Variants in EDAR observed in about 807,000 individuals in gnomAD.
EDAR encodes ectodysplasin A receptor, also known as tumor necrosis factor receptor superfamily member EDAR.
EDAR carries 38 observed loss-of-function variants against 51.3 expected under a neutral mutation model. The ratio of observed to expected loss-of-function variants is 0.74; its 90% CI spans 0.57 to 0.97. The LOEUF (loss-of-function observed/expected upper bound fraction) is 0.97, where lower values mean the gene tolerates loss of function less well. Among genes scored for constraint, EDAR ranks in the 50% least tolerant of loss-of-function variants. EDAR has a pLI of 0.00. For missense variants in EDAR, 528 were observed against 595.0 expected (o/e 0.89, Z 1.17); for synonymous variants, 227 against 242.1 (o/e 0.94, Z 0.58).
At chr2:108,957,446 A>G (rs1200035864) in intron 1 of EDAR, among the ~76,000 whole-genome samples, 5 of 152,226 alleles carry the variant, frequency 3.3e-5, no homozygotes, top group African/African-American at 9.6e-5. Flanking sequence ...CAGTCCTTCA[A>G]ATAGAGGGCT....
At chr2:108,910,344 G>T in intron 9 of EDAR, 116 bp downstream of exon 9, 1 of 831,668 alleles carries the variant, frequency 1.2e-6, no homozygotes, top group Non-Finnish European at 2.0e-6. Flanking sequence ...GTCGCCGAAC[G>T]TCCCCATAGT....
intron 1 of EDAR, among the ~76,000 whole-genome samples, chr2:108,962,278 A>T (rs1698061670): frequency 6.6e-6 from 1 of 152,208 alleles, no homozygotes; most frequent in Admixed American, 6.5e-5. Context: ...AAATCTTATG[A>T]AATAGGTAGG....
intron 1 of EDAR, among the ~76,000 whole-genome samples, chr2:108,941,127 A>G (rs988985085): frequency 6.6e-6 from 1 of 152,224 alleles, no homozygotes; most frequent in Non-Finnish European, 1.5e-5. Flanking sequence ...TTCACTGAAT[A>G]TAATACCTGT....
At chr2:108,915,641 T>G (rs1358315799) in intron 5 of EDAR, among the ~76,000 whole-genome samples, 1 of 152,116 alleles carries the variant, frequency 6.6e-6, no homozygotes, top group African/African-American at 2.4e-5. Flanking sequence ...GGCTCATGCC[T>G]ATAATCCCAG....
intron 1 of EDAR, among the ~76,000 whole-genome samples, chr2:108,937,484 A>C (rs900651397): frequency 1.2e-4 from 18 of 151,894 alleles, no homozygotes; most frequent in African/African-American, 3.9e-4. Flanking sequence ...TGTGTGCATA[A>C]GAGTATGTGT....
chr2:108,934,288 T>C (rs954173228), intron 1 of EDAR, among the ~76,000 whole-genome samples: 1 of 152,180 alleles, frequency 6.6e-6, no homozygotes, highest in Non-Finnish European at 1.5e-5. Flanking sequence ...ATCCCACTTC[T>C]CAGACTGCAG....
chr2:108,943,927 C>G (rs6542788), intron 1 of EDAR, among the ~76,000 whole-genome samples: 3,432 of 152,316 alleles, frequency 0.023, 117 homozygotes, highest in African/African-American at 0.077. Flanking sequence ...GCTTCCAAAA[C>G]AGGGAGACAG....
intron 1 of EDAR, among the ~76,000 whole-genome samples, chr2:108,944,827 G>A (rs1697684826): frequency 6.6e-6 from 1 of 152,160 alleles, no homozygotes; most frequent in Admixed American, 6.5e-5. Context: ...GACCGCAGAG[G>A]CCAAGCTTCT....
At chr2:108,951,789 C>G (rs1326568957) in intron 1 of EDAR, among the ~76,000 whole-genome samples, 1 of 152,168 alleles carries the variant, frequency 6.6e-6, no homozygotes, top group Non-Finnish European at 1.5e-5. Context: ...CTTGGCAACA[C>G]TATATCAGAA....
At chr2:108,911,556 C>CA (rs1696929439) in intron 6 of EDAR, among the ~76,000 whole-genome samples, 1 of 152,230 alleles carries the variant, frequency 6.6e-6, no homozygotes, top group South Asian at 2.1e-4. Context: ...CCCCAGGGCA[C>CA]AGGGGGTGCC....
intron 4 of EDAR, among the ~76,000 whole-genome samples, chr2:108,925,156 T>A (rs1433431830): frequency 1.3e-5 from 2 of 150,816 alleles, no homozygotes; most frequent in African/African-American, 2.4e-5. Flanking sequence ...GCTCCTGGGC[T>A]GGGAGGCCCT....
intron 1 of EDAR, 81 bp from the exon 2 acceptor site, chr2:108,931,113 G>A (rs1057024460): frequency 6.5e-5 from 73 of 1,118,286 alleles, no homozygotes; most frequent in Non-Finnish European, 9.4e-5. Flanking sequence ...AACCCCACTG[G>A]ATATAAGGTG....
intron 11 of EDAR, 149 bp from the exon 12 acceptor site, chr2:108,897,378 A>G: frequency 3.8e-6 from 3 of 782,998 alleles, no homozygotes; most frequent in African/African-American, 3.4e-5. Context: ...AAACAAATGC[A>G]TAACTTAAGG....
Position 108,897,060 on chromosome 2 carries a change from A to T in EDAR, c.1194T>A (p.Phe398Leu). Reference protein sequence around the residue: ...IGGMTDGMQLFDRISTAGYSI... With the variant: ...IGGMTDGMQLLDRISTAGYSI... The stretch of plus-strand genomic sequence containing the variant: ...TGTAGCCTGCCGTGCTGATGCGGTC[A>T]AAGAGTTGCATGCCGTCTGTCATGC... The change falls in exon 12 of 12, where the codon TTT becomes TTA. Residue 398 changes from phenylalanine to leucine, a missense_variant. Physicochemically the swap from Phe to Leu is conservative, Grantham distance 22. Transcript: ENST00000258443. 1 of 1,614,190 alleles carries T rather than the reference A, an allele frequency of 6.2e-7. No homozygotes were observed. Among genetic ancestry groups the T allele is most frequent in the Non-Finnish European group, 8.5e-7 (1 of 1,180,038 alleles).
At chr2:108,974,228 G>A (rs1698283301) in intron 1 of EDAR, among the ~76,000 whole-genome samples, 1 of 149,840 alleles carries the variant, frequency 6.7e-6, no homozygotes, top group African/African-American at 2.4e-5. Context: ...TAGTTGGGAG[G>A]TTGAGGCAGG....
chr2:108,961,877 G>A (rs971683197), intron 1 of EDAR, among the ~76,000 whole-genome samples: 9 of 152,190 alleles, frequency 5.9e-5, no homozygotes, highest in African/African-American at 1.9e-4. Context: ...GAAGCAGTGA[G>A]TCCATAGCAA....
At chr2:108,938,248 A>G (rs73952555) in intron 1 of EDAR, among the ~76,000 whole-genome samples, 2,283 of 152,324 alleles carry the variant, frequency 0.015, 29 homozygotes, top group South Asian at 0.03. Flanking sequence ...ACCAGTGACG[A>G]TGATAATTTC....
chr2:108,929,139 G>GC, intron 4 of EDAR, 59 bp downstream of exon 4: 1 of 1,599,518 alleles, frequency 6.3e-7, no homozygotes, highest in South Asian at 1.1e-5. Context: ...CTTGCCCGTA[G>GC]CCCCTCGGGG....
chr2:108,921,004 A>C (rs1429427602), intron 5 of EDAR, among the ~76,000 whole-genome samples: 1 of 152,146 alleles, frequency 6.6e-6, no homozygotes, highest in African/African-American at 2.4e-5. Flanking sequence ...ACTTGTTAAA[A>C]ATGTACATTC....
Sources: allele counts gnomAD v4.1 joint callset (sites outside exome capture counted in the v4.1 genomes callset), GRCh38; gene constraint gnomAD v4.1.1; transcripts MANE v1.5; gene names NCBI Gene and HGNC (gene_info 2026-07-23, HGNC 2026-07-21).